The following LARGE1 variants were observed in gnomAD, a reference collection of about 807,000 sequenced individuals.
The protein encoded by LARGE1 is xylosyl- and glucuronyltransferase LARGE1.
A neutral mutation model predicts 87.6 loss-of-function variants in LARGE1; 43 were observed. That is an observed-to-expected ratio of 0.49 (90% CI 0.38 to 0.63). The LOEUF (loss-of-function observed/expected upper bound fraction) is 0.63. Ranked by LOEUF, LARGE1 falls within the 30% of genes least tolerant of loss-of-function variation. LARGE1 has a pLI of 0.00. For synonymous variants in LARGE1, 434 were observed against 394.6 expected (o/e 1.10, Z -1.18); for missense variants, 802 against 1,000.2 (o/e 0.80, Z 2.67).
intron 2 of LARGE1, among the ~76,000 whole-genome samples, chr22:33,760,969 ACACCACCACCAC>A (rs548599952): frequency 6.6e-6 from 1 of 151,506 alleles, no homozygotes; most frequent in Non-Finnish European, 1.5e-5. Context: ...CAAACAAAAA[ACACCACCACCAC>A]CACCACCACC....
chr22:33,337,578 TG>T, intron 10 of LARGE1, 67 bp downstream of exon 10: 2 of 1,582,172 alleles, frequency 1.3e-6, no homozygotes, highest in South Asian at 2.2e-5. Flanking sequence ...GAGCCTGGCA[TG>T]GGGGAGGTCC....
At chr22:33,203,066 ACTCT>A (rs35446457) in intron 11 of LARGE1, among the ~76,000 whole-genome samples, 45,469 of 138,932 alleles carry the variant, frequency 0.33, 7,458 homozygotes, top group East Asian at 0.62. Flanking sequence ...TAGAATCTAA[ACTCT>A]CTCTCTCTCT....
intron 1 of LARGE1, among the ~76,000 whole-genome samples, chr22:33,882,040 T>TTTG (rs374694316): frequency 4.7e-5 from 7 of 148,624 alleles, no homozygotes; most frequent in Non-Finnish European, 1.0e-4. Context: ...TTTTTGTTTT[T>TTTG]TTTTGTTTTT....
intron 9 of LARGE1, among the ~76,000 whole-genome samples, chr22:33,367,133 C>A (rs907995344): frequency 1.3e-5 from 2 of 148,340 alleles, no homozygotes; most frequent in Admixed American, 6.7e-5. Flanking sequence ...TTTTTTTTTT[C>A]AATTCTGCTA....
At chr22:33,742,421 C>T (rs574711002) in intron 2 of LARGE1, among the ~76,000 whole-genome samples, 20 of 152,098 alleles carry the variant, frequency 1.3e-4, no homozygotes, top group African/African-American at 4.3e-4. Context: ...CATCAACCTT[C>T]GTGCACCGAG....
At chr22:33,702,935 A>C (rs377635056) in intron 2 of LARGE1, among the ~76,000 whole-genome samples, 2 of 152,188 alleles carry the variant, frequency 1.3e-5, no homozygotes, top group East Asian at 3.8e-4. Flanking sequence ...ACGGGGTTCT[A>C]AAGGGTGACT....
intron 2 of LARGE1, among the ~76,000 whole-genome samples, chr22:33,708,406 G>A (rs2082626587): frequency 6.6e-6 from 1 of 152,074 alleles, no homozygotes; most frequent in Non-Finnish European, 1.5e-5. Context: ...AAGCCCTCCT[G>A]AGTGCCCCTC....
At chr22:33,462,827 A>C (rs1370566041) in intron 6 of LARGE1, among the ~76,000 whole-genome samples, 1 of 152,180 alleles carries the variant, frequency 6.6e-6, no homozygotes, top group Non-Finnish European at 1.5e-5. Context: ...CAACAAGGCT[A>C]TCTAATTAAT....
chr22:33,304,249 A>G lies in LARGE1; in HGVS notation c.1710T>C (p.Tyr570=). The G allele has an allele frequency of 6.2e-7, 1 of 1,614,240 alleles. No individual in the cohort carries two copies. The highest frequency in any genetic ancestry group is 8.5e-7 in the Non-Finnish European group (1 of 1,180,048). ...CTTACCTGAGGTACTCATAGAGCCC[A>G]TACATGGGCAGGAAGTCAATGTCAG... ...FLSDIDFLPM[Y]GLYEYLRKSV... Residue 570 remains tyrosine (Y), a synonymous_variant, in exon 12 of 15, where the codon TAT becomes TAC. Transcript: ENST00000397394.
At chr22:33,207,642 GC>G (rs1841734694) in intron 11 of LARGE1, among the ~76,000 whole-genome samples, 1 of 152,142 alleles carries the variant, frequency 6.6e-6, no homozygotes, top group African/African-American at 2.4e-5. Flanking sequence ...CAGAGTGAGA[GC>G]GTCGGCGACC....
intron 1 of LARGE1, among the ~76,000 whole-genome samples, chr22:33,912,141 T>C (rs1427020438): frequency 6.6e-6 from 1 of 152,218 alleles, no homozygotes; most frequent in Non-Finnish European, 1.5e-5. Flanking sequence ...AGATGAGAGC[T>C]GACATCAGTC....
chr22:33,613,181 G>C lies in LARGE1; in HGVS notation c.492-8623C>G, dbSNP rs115167709. Among the ~76,000 whole-genome samples, 1,476 of 152,320 alleles carry C rather than the reference G, an allele frequency of 9.7e-3. 22 individuals carry two copies. The highest frequency in any genetic ancestry group is 0.034 in the African/African-American group (1,397 of 41,562). On this transcript the variant is annotated intron_variant, in intron 4 of 14. Coordinates refer to ENST00000397394, the MANE Select transcript of LARGE1 (RefSeq NM_133642.5). ...ATCAAAGGCGGGCTAACTATCAGCA[G>C]CTTGTGTCTGACTCCTATCAGACAG...
intron 14 of LARGE1, among the ~76,000 whole-genome samples, 198 bp downstream of exon 14, chr22:33,276,862 A>T (rs1177842373): frequency 6.6e-6 from 1 of 152,190 alleles, no homozygotes; most frequent in East Asian, 1.9e-4. Flanking sequence ...CTGGCCAAGA[A>T]CCCAACTCTC....
At chr22:33,531,733 T>C (rs932481196) in intron 6 of LARGE1, among the ~76,000 whole-genome samples, 2 of 152,212 alleles carry the variant, frequency 1.3e-5, no homozygotes, top group African/African-American at 2.4e-5. Context: ...GAGGCTCTGA[T>C]AGTAGACTTC....
In LARGE1 at chr22:33,277,154, T is replaced by C. The variant is rs1929480431; in HGVS notation, c.1979A>G (p.Tyr660Cys). The change falls in exon 14 of 15, where the codon TAT becomes TGT. Residue 660 changes from tyrosine (Y) to cysteine (C), a missense_variant. This residue lies in a region of LARGE1 where 625 missense variants were observed against 841.9 expected (regional missense o/e 0.74). Transcript: ENST00000397394. ...CGGGCAGTCACGTCTCACAACAACA[T>C]ACGGCTCAAAATCGGCCTCCCACTC... is the stretch of plus-strand genomic sequence containing the variant. ...RVEWEADFEP[Y>C]VVVRRDCPEY... 1 of 1,614,098 alleles carries C rather than the reference T, an allele frequency of 6.2e-7. No individual in the cohort carries two copies.
At chr22:33,361,325 T>C (rs969207945) in intron 9 of LARGE1, among the ~76,000 whole-genome samples, 6 of 149,758 alleles carry the variant, frequency 4.0e-5, no homozygotes, top group African/African-American at 1.5e-4. Flanking sequence ...CCTAATGAGG[T>C]TCACAGGGGT....
intron 6 of LARGE1, among the ~76,000 whole-genome samples, chr22:33,474,966 A>G (rs2069008864): frequency 6.6e-6 from 1 of 152,214 alleles, no homozygotes; most frequent in African/African-American, 2.4e-5. Flanking sequence ...TGTTTCTGAC[A>G]GTAATATCAG....
intron 9 of LARGE1, among the ~76,000 whole-genome samples, chr22:33,349,198 T>G (rs939591722): frequency 6.6e-6 from 1 of 152,176 alleles, no homozygotes; most frequent in Non-Finnish European, 1.5e-5. Context: ...TCAGATTGAA[T>G]TATAACACTG....
At chr22:33,916,793 A>G (rs1467945779) in intron 1 of LARGE1, among the ~76,000 whole-genome samples, 6 of 152,192 alleles carry the variant, frequency 3.9e-5, no homozygotes, top group Admixed American at 1.3e-4. Context: ...TCAAATTCAT[A>G]AGACTTCATT....
Sources: allele counts gnomAD v4.1 joint callset (sites outside exome capture counted in the v4.1 genomes callset), GRCh38; gene constraint gnomAD v4.1.1; regional missense constraint gnomAD v4.1.1; transcripts MANE v1.5; gene names NCBI Gene and HGNC (gene_info 2026-07-23, HGNC 2026-07-21).